The following TENT4B variants were observed in gnomAD, a reference collection of about 807,000 sequenced individuals.
TENT4B encodes the protein PAP associated domain containing 5.
A neutral mutation model predicts 75.0 loss-of-function variants in TENT4B; 10 were observed. The observed-to-expected ratio is 0.13, with a 90% CI of 0.08 to 0.23. The LOEUF (loss-of-function observed/expected upper bound fraction) is 0.23, where lower values mean the gene tolerates loss of function less well. Among genes scored for constraint, TENT4B ranks in the 10% least tolerant of loss-of-function variants. The pLI, the probability that TENT4B is intolerant of heterozygous loss-of-function variation, is 1.00. For missense variants in TENT4B, 579 were observed against 893.8 expected, an observed-to-expected ratio of 0.65 and a Z score of 4.49; for synonymous variants, 350 against 357.7, an observed-to-expected ratio of 0.98 and a Z score of 0.24.
intron 1 of TENT4B, among the ~76,000 whole-genome samples, chr16:50,164,908 A>G (rs998114820): frequency 6.6e-6 from 1 of 151,562 alleles, no homozygotes; most frequent in Non-Finnish European, 1.5e-5. Context: ...AAAATTAGCC[A>G]GGCATGGTGA....
intron 1 of TENT4B, among the ~76,000 whole-genome samples, chr16:50,162,928 T>G (rs184316431): frequency 4.4e-4 from 67 of 152,326 alleles, no homozygotes; most frequent in South Asian, 1.4e-3. Flanking sequence ...TGGTTTGTTG[T>G]TGGTGGTGGT....
At position 50,231,460 on chromosome 16, in the gene TENT4B, G is replaced by A; in HGVS notation, c.*2132G>A. The A allele has an allele frequency of 1.0e-6, 1 of 985,418 alleles. No individual in the cohort carries two copies. Among genetic ancestry groups the A allele is most frequent in the Non-Finnish European group, 1.2e-6 (1 of 829,750 alleles). The allele number at this position is 985,418 out of a possible 1,614,324, so 61.0% of individuals were successfully genotyped here. ...CATTTACCACACTGAAGTTTTTTTT[G>A]TTGTTTTTTGTTTGTTTTTAAAGAA... On this transcript the variant is annotated 3_prime_UTR_variant, in exon 12 of 12. Coordinates refer to ENST00000561678, the MANE Select transcript of TENT4B (RefSeq NM_001365324.3).
intron 1 of TENT4B, among the ~76,000 whole-genome samples, chr16:50,192,501 A>G (rs1421860601): frequency 6.6e-6 from 1 of 152,210 alleles, no homozygotes; most frequent in Non-Finnish European, 1.5e-5. Flanking sequence ...AAGGCAATGC[A>G]GAGAAATGCA....
Position 50,222,443 on chromosome 16 carries a change from TATGGGTATAGC to T in TENT4B, c.1167+13_1167+23del, listed in dbSNP as rs759972808. ...CAGTCAGTTTCCTTCAGGTAAGTCA[TATGGGTATAGC>T]ATGCTAGTGCACACTAAAAGCAAAA... On this transcript the variant is annotated intron_variant, in intron 6 of 11. Coordinates refer to ENST00000561678, the MANE Select transcript of TENT4B (RefSeq NM_001365324.3). 62 of 1,613,078 alleles carry T rather than the reference TATGGGTATAGC, an allele frequency of 3.8e-5. No homozygotes were observed. The highest frequency in any genetic ancestry group is 5.0e-5 in the Non-Finnish European group (59 of 1,179,552).
Position 50,153,842 on chromosome 16 carries a change from C to G in TENT4B, c.221C>G (p.Ser74Trp), listed in dbSNP as rs755888281. 5 of 1,274,018 alleles carry G rather than the reference C, an allele frequency of 3.9e-6. No individual in the cohort carries two copies. Among genetic ancestry groups the G allele is most frequent in the South Asian group, 2.9e-5 (1 of 34,860 alleles). 78.9% of individuals were successfully genotyped at this position (1,274,018 alleles called of 1,614,324 possible). A position where few individuals can be genotyped will look rare whatever the true frequency, so the allele number is the denominator to read the frequency against. The change falls in exon 1 of 12, where the codon TCG (serine) becomes TGG (tryptophan). Residue 74 changes from serine to tryptophan, a missense_variant. Physicochemically the swap from Ser to Trp is radical, Grantham distance 177 (BLOSUM62 -3). Coordinates refer to ENST00000561678, the MANE Select transcript of TENT4B (RefSeq NM_001365324.3). ...SSTGSPGGAA[S>W]APAPAPAGMY... ...ACCGGCAGCCCCGGCGGCGCGGCCT[C>G]GGCCCCGGCCCCGGCCCCGGCCGGC...
chr16:50,210,504 A>G (rs531833923), intron 1 of TENT4B, among the ~76,000 whole-genome samples: 1 of 152,004 alleles, frequency 6.6e-6, no homozygotes, highest in African/African-American at 2.4e-5. Context: ...CCTTCATCCA[A>G]TCCTTTTGCA....
chr16:50,214,282 G>A lies in TENT4B; in HGVS notation c.809+15G>A, dbSNP rs764088567. The stretch of plus-strand genomic sequence containing the variant: ...TTACCTACTAGGTTAGTACACTCAT[G>A]AATCTTTCAAAGGACTTTTCTTAGA... On this transcript the variant is annotated intron_variant, in intron 3 of 11. Coordinates refer to ENST00000561678, the MANE Select transcript of TENT4B (RefSeq NM_001365324.3). 3.2e-6 allele frequency: 5 copies of A among 1,565,968 alleles called. No individual in the cohort carries two copies. Among genetic ancestry groups the A allele is most frequent in the African/African-American group, 1.4e-5 (1 of 73,556 alleles).
Position 50,214,142 on chromosome 16 carries a change from T to G in TENT4B, c.763-79T>G, listed in dbSNP as rs185376739. On this transcript the variant is annotated intron_variant, in intron 2 of 11. Coordinates refer to ENST00000561678, the MANE Select transcript of TENT4B (RefSeq NM_001365324.3). ...CAGTAGAGGGTAGCAAAAACTGACATTTCTCCATATCTTGGTGACTCAATA... is the reference window on the plus strand; with the variant it reads ...CAGTAGAGGGTAGCAAAAACTGACAGTTCTCCATATCTTGGTGACTCAATA... 4 of 1,155,168 alleles carry G rather than the reference T, an allele frequency of 3.5e-6. No individual in the cohort carries two copies. In the East Asian group the frequency reaches 7.4e-5, roughly 21 times the overall value. The allele number at this position is 1,155,168 out of a possible 1,614,324, so 71.6% of individuals were successfully genotyped here.
At chr16:50,180,657 C>G (rs1047637243) in intron 1 of TENT4B, among the ~76,000 whole-genome samples, 2 of 146,792 alleles carry the variant, frequency 1.4e-5, no homozygotes, top group African/African-American at 5.0e-5. Flanking sequence ...TGCAGTGAGG[C>G]AAGATCGTGC....
intron 1 of TENT4B, among the ~76,000 whole-genome samples, chr16:50,179,465 C>T (rs1212333492): frequency 6.6e-6 from 1 of 152,070 alleles, no homozygotes; most frequent in Admixed American, 6.6e-5. Flanking sequence ...ATAGAACACA[C>T]TAATGTTCAG....
chr16:50,229,874 T>G lies in TENT4B; in HGVS notation c.*546T>G, dbSNP rs1402289433. On this transcript the variant is annotated 3_prime_UTR_variant, in exon 12 of 12. Coordinates refer to ENST00000561678, the MANE Select transcript of TENT4B (RefSeq NM_001365324.3). ...GAGATTGATATTTGTAATAGTGGAT[T>G]TGTTAATAATACTTTTTACATAACA... 1 of 909,000 alleles carries G rather than the reference T, an allele frequency of 1.1e-6. No individual in the cohort carries two copies. Among genetic ancestry groups the G allele is most frequent in the East Asian group, 1.2e-4 (1 of 8,476 alleles). The allele number at this position is 909,000 out of a possible 1,614,324, so 56.3% of individuals were successfully genotyped here. A position where few individuals can be genotyped will look rare whatever the true frequency, so the allele number is the denominator to read the frequency against.
chr16:50,222,418 C>A lies in TENT4B; in HGVS notation c.1151C>A (p.Ala384Glu). Residue 384 changes from alanine to glutamate, a missense_variant, in exon 6 of 12, where the codon GCA becomes GAA. Coordinates refer to ENST00000561678, the MANE Select transcript of TENT4B (RefSeq NM_001365324.3). ...GIGSYSLFLM[A>E]VSFLQLHPRE... Reference sequence around the variant, plus strand: ...GGTTCTTATAGTCTCTTTTTAATGGCAGTCAGTTTCCTTCAGGTAAGTCAT... The same window carrying A: ...GGTTCTTATAGTCTCTTTTTAATGGAAGTCAGTTTCCTTCAGGTAAGTCAT... 1 of 1,613,370 alleles carries A rather than the reference C, an allele frequency of 6.2e-7. No homozygotes were observed. Among genetic ancestry groups the A allele is most frequent in the Non-Finnish European group, 8.5e-7 (1 of 1,179,640 alleles).
chr16:50,184,541 C>A (rs12448630), intron 1 of TENT4B, among the ~76,000 whole-genome samples: 101,195 of 151,920 alleles, frequency 0.67, 35,585 homozygotes, highest in Non-Finnish European at 0.76. Context: ...GTGGCGGGCG[C>A]CTATAGTCCC....
In TENT4B at chr16:50,209,599, C is replaced by T. The variant is rs115250802; in HGVS notation, c.639-1724C>T. On this transcript the variant is annotated intron_variant, in intron 1 of 11. Coordinates refer to ENST00000561678, the MANE Select transcript of TENT4B (RefSeq NM_001365324.3). ...CATATTGCATAGCAAACAGGCCGAA[C>T]GCTGTTGTAAATCATCCTCTACGAA... is the stretch of plus-strand genomic sequence containing the variant. Among the ~76,000 whole-genome samples, 890 of 152,260 alleles carry T rather than the reference C, an allele frequency of 5.8e-3. 8 individuals carry two copies. Among genetic ancestry groups the T allele is most frequent in the African/African-American group, 0.02 (826 of 41,548 alleles).
At chr16:50,165,882 C>T (rs1196998744) in intron 1 of TENT4B, among the ~76,000 whole-genome samples, 2 of 152,212 alleles carry the variant, frequency 1.3e-5, no homozygotes, top group East Asian at 1.9e-4. Flanking sequence ...CTGCTGTAGA[C>T]GTTCATGTAC....
chr16:50,212,937 A>G (rs527627750), intron 2 of TENT4B, among the ~76,000 whole-genome samples: 1 of 152,172 alleles, frequency 6.6e-6, no homozygotes, highest in East Asian at 1.9e-4. Context: ...TTGATTATCT[A>G]TCTATCTCTT....
At chr16:50,158,805 T>G (rs1298664344) in intron 1 of TENT4B, among the ~76,000 whole-genome samples, 2 of 152,134 alleles carry the variant, frequency 1.3e-5, no homozygotes, top group African/African-American at 4.8e-5. Context: ...GTACAATTTC[T>G]TAAACTAGGA....
chr16:50,196,144 G>A (rs1268247925), intron 1 of TENT4B, among the ~76,000 whole-genome samples: 3 of 152,140 alleles, frequency 2.0e-5, no homozygotes, highest in Non-Finnish European at 4.4e-5. Context: ...TGAGGGATTT[G>A]ATAAGATGAA....
intron 1 of TENT4B, among the ~76,000 whole-genome samples, chr16:50,161,067 A>G (rs1244548054): frequency 1.3e-5 from 2 of 152,248 alleles, no homozygotes; most frequent in African/African-American, 2.4e-5. Flanking sequence ...GAGGATGGCC[A>G]GTAGAATGTT....
Sources: gnomAD v4.1 joint callset for allele counts (sites outside exome capture counted in the v4.1 genomes callset) on GRCh38, gnomAD v4.1.1 for gene constraint, MANE v1.5 for transcripts, NCBI Gene and HGNC (gene_info 2026-07-23, HGNC 2026-07-21) for gene names.